Variants in CFAP57 observed in about 807,000 individuals in gnomAD.
CFAP57 encodes the protein cilia and flagella associated protein 57.
CFAP57 carries 116 observed loss-of-function variants against 146.8 expected under a neutral mutation model. The ratio of observed to expected loss-of-function variants is 0.79; its 90% CI spans 0.68 to 0.92. The LOEUF (loss-of-function observed/expected upper bound fraction) is 0.92, where lower values mean the gene tolerates loss of function less well. Ranked by LOEUF, CFAP57 falls within the 40% of genes least tolerant of loss-of-function variation. The pLI is 0.00. For missense variants in CFAP57, 1,377 were observed against 1,527.2 expected (o/e 0.90, Z 1.64); for synonymous variants, 518 against 552.8 (o/e 0.94, Z 0.88).
chr1:43,219,015 C>G (rs143043659), intron 12 of CFAP57, among the ~76,000 whole-genome samples: 62 of 152,216 alleles, frequency 4.1e-4, no homozygotes, highest in African/African-American at 1.3e-3. Flanking sequence ...AGTGCAAGAT[C>G]TAAGGAAATA....
At chr1:43,192,491 C>A (rs542965473) in intron 6 of CFAP57, among the ~76,000 whole-genome samples, 1 of 152,228 alleles carries the variant, frequency 6.6e-6, no homozygotes, top group South Asian at 2.1e-4. Flanking sequence ...GGCGTGGTGG[C>A]GCATGCCTAT....
In CFAP57 at chr1:43,215,366, G is replaced by C. The variant is rs1471202043; in HGVS notation, c.2041G>C (p.Val681Leu). The C allele has an allele frequency of 1.9e-6, 3 of 1,551,030 alleles. No homozygotes were observed. The highest frequency in any genetic ancestry group is 8.7e-7 in the Non-Finnish European group (1 of 1,147,118). ...CCGGGGAATCAAGCGAGAGAGGGAG[G>C]TGGGCTTTGCCGAAGAGGTGCTTGT... ...DGRGIKRERE[V>L]GFAEEVLVTK... Residue 681 changes from valine to leucine, a missense_variant, in exon 12 of 23, where the codon GTG (valine) becomes CTG (leucine). Val to Leu is a conservative substitution (Grantham distance 32). Transcript: ENST00000372492.
intron 14 of CFAP57, 61 bp downstream of exon 14, chr1:43,221,526 A>G: frequency 8.8e-7 from 1 of 1,134,768 alleles, no homozygotes; most frequent in Non-Finnish European, 1.2e-6. Context: ...ATGGGGAAAC[A>G]CTCAAGAGTC....
chr1:43,227,264 C>A, intron 18 of CFAP57, 138 bp downstream of exon 18: 1 of 1,075,422 alleles, frequency 9.3e-7, no homozygotes, highest in Non-Finnish European at 1.3e-6. Flanking sequence ...GCCTCCAGTC[C>A]ACAGGGGTGC....
chr1:43,240,787 A>G (rs529933547), intron 21 of CFAP57, among the ~76,000 whole-genome samples: 1 of 152,256 alleles, frequency 6.6e-6, no homozygotes, highest in Non-Finnish European at 1.5e-5. Flanking sequence ...GGAAGCTTTC[A>G]CTCATGATGG....
rs1486742063 is a variant in CFAP57 at position 43,172,410 on chromosome 1, C to T, written c.-63C>T. On this transcript the variant is annotated 5_prime_UTR_variant, in exon 1 of 23. Coordinates refer to ENST00000372492, the MANE Select transcript of CFAP57 (RefSeq NM_001378189.1). ...TGCTTAGGATCCCTACAGGTAGCGC[C>T]TCTGGATACATGCGTGGTCTGCTGA... 20 of 1,551,418 alleles carry T rather than the reference C, an allele frequency of 1.3e-5. No individual in the cohort carries two copies. The highest frequency in any genetic ancestry group is 1.7e-5 in the Non-Finnish European group (20 of 1,146,948).
intron 9 of CFAP57, 64 bp from the exon 10 acceptor site, chr1:43,206,656 C>G: frequency 6.3e-7 from 1 of 1,585,534 alleles, no homozygotes; most frequent in East Asian, 2.2e-5. Flanking sequence ...AGTTTGCACC[C>G]TTTTCTGTGT....
chr1:43,200,952 A>C (rs1644096369), intron 9 of CFAP57, among the ~76,000 whole-genome samples: 1 of 152,204 alleles, frequency 6.6e-6, no homozygotes, highest in Non-Finnish European at 1.5e-5. Context: ...GGAGTGATGG[A>C]GAGCAGTTAG....
intron 22 of CFAP57, among the ~76,000 whole-genome samples, chr1:43,250,778 A>G: frequency 6.6e-6 from 1 of 152,140 alleles, no homozygotes; most frequent in East Asian, 1.9e-4. Context: ...CTGGTACCCA[A>G]AAGAGACACT....
At chr1:43,228,786 T>C (rs1238921073) in intron 18 of CFAP57, among the ~76,000 whole-genome samples, 2 of 148,982 alleles carry the variant, frequency 1.3e-5, no homozygotes, top group South Asian at 2.2e-4. Context: ...CCAACAGAAA[T>C]GTATTGCTGA....
chr1:43,189,204 C>A (rs1052851692), intron 6 of CFAP57, among the ~76,000 whole-genome samples: 13 of 152,298 alleles, frequency 8.5e-5, no homozygotes, highest in Non-Finnish European at 1.8e-4. Context: ...TCTACTTTAT[C>A]AAGATTGTTT....
chr1:43,227,469 G>T (rs1216470761), intron 18 of CFAP57, among the ~76,000 whole-genome samples: 1 of 152,206 alleles, frequency 6.6e-6, no homozygotes, highest in Non-Finnish European at 1.5e-5. Context: ...CAGCCAACAG[G>T]CTATCCTTCT....
intron 6 of CFAP57, among the ~76,000 whole-genome samples, chr1:43,192,888 T>C (rs1218714767): frequency 6.6e-6 from 1 of 152,112 alleles, no homozygotes; most frequent in African/African-American, 2.4e-5. Context: ...GATCATGCCA[T>C]TGTACTCCAG....
chr1:43,178,040 G>A (rs1645240012), intron 2 of CFAP57, among the ~76,000 whole-genome samples: 1 of 152,178 alleles, frequency 6.6e-6, no homozygotes, highest in Admixed American at 6.5e-5. Context: ...GAGAGGTGAA[G>A]GATTCCCTAT....
At position 43,183,881 on chromosome 1, in the gene CFAP57, A is replaced by C; in HGVS notation, c.761+4A>C. On this transcript the variant is annotated splice_donor_region_variant and intron_variant, in intron 4 of 22. Coordinates refer to ENST00000372492, the MANE Select transcript of CFAP57 (RefSeq NM_001378189.1). ...ATGTCATTCAGGAATCAGAGAGGTA[A>C]TGGTGCTTCCTGGGCTGGTGCTCCC... 1 of 1,613,722 alleles carries C rather than the reference A, an allele frequency of 6.2e-7. No individual in the cohort carries two copies. Among genetic ancestry groups the C allele is most frequent in the Non-Finnish European group, 8.5e-7 (1 of 1,180,014 alleles).
At chr1:43,179,729 G>T (rs1026440425) in intron 2 of CFAP57, among the ~76,000 whole-genome samples, 1 of 152,122 alleles carries the variant, frequency 6.6e-6, no homozygotes, top group Non-Finnish European at 1.5e-5. Context: ...ATGTCCACCT[G>T]CTGGACCTCC....
At chr1:43,227,420 A>G (rs1645290057) in intron 18 of CFAP57, among the ~76,000 whole-genome samples, 1 of 152,196 alleles carries the variant, frequency 6.6e-6, no homozygotes, top group Admixed American at 6.5e-5. Flanking sequence ...AGGGAGATGC[A>G]GCTATTGGGC....
At chr1:43,217,744 T>C (rs568416481) in intron 12 of CFAP57, among the ~76,000 whole-genome samples, 3 of 152,290 alleles carry the variant, frequency 2.0e-5, no homozygotes, top group Admixed American at 2.0e-4. Flanking sequence ...CTCATCATCC[T>C]GCCTTTGGTC....
chr1:43,239,733 A>C (rs1557828946), intron 21 of CFAP57, among the ~76,000 whole-genome samples: 1 of 152,146 alleles, frequency 6.6e-6, no homozygotes, highest in Non-Finnish European at 1.5e-5. Context: ...GGATCAGGAG[A>C]AGTGAAGCTT....
Sources: gnomAD v4.1 joint callset for allele counts (sites outside exome capture counted in the v4.1 genomes callset) on GRCh38, gnomAD v4.1.1 for gene constraint, MANE v1.5 for transcripts, NCBI Gene and HGNC (gene_info 2026-07-23, HGNC 2026-07-21) for gene names.